CRB2: variants seen among roughly 807,000 people sequenced by gnomAD.
CRB2 encodes the protein crumbs cell polarity complex component 2, also known as protein crumbs homolog 2.
In CRB2, 85 loss-of-function variants were observed where a neutral mutation model predicts 110.9. That is an observed-to-expected ratio of 0.77 (90% CI 0.64 to 0.92). CRB2 has a LOEUF of 0.92. Among genes scored for constraint, CRB2 ranks in the 40% least tolerant of loss-of-function variants. CRB2 has a pLI of 0.00. For missense variants in CRB2, 1,843 were observed against 1,851.3 expected (o/e 1.00, Z 0.08); for synonymous variants, 907 against 831.0 (o/e 1.09, Z -1.57).
intron 12 of CRB2, among the ~76,000 whole-genome samples, chr9:123,376,011 C>T (rs2042097640): frequency 6.6e-6 from 1 of 152,094 alleles, no homozygotes; most frequent in Admixed American, 6.5e-5. Flanking sequence ...CCACAAATCC[C>T]CTCCGCTTAC....
intron 4 of CRB2, 117 bp from the exon 5 acceptor site, chr9:123,367,055 C>T (rs1398087289): frequency 8.4e-6 from 9 of 1,066,514 alleles, no homozygotes; most frequent in East Asian, 8.1e-5. Context: ...CCTCCCTCGC[C>T]ATTCGTGGCT....
At chr9:123,362,767 C>A in intron 1 of CRB2, 98 bp from the exon 2 acceptor site, 1 of 1,186,178 alleles carries the variant, frequency 8.4e-7, no homozygotes. Context: ...CAGAGACCCA[C>A]GTTGCTTTTG....
intron 1 of CRB2, among the ~76,000 whole-genome samples, chr9:123,357,515 T>A (rs546619122): frequency 1.3e-5 from 2 of 151,684 alleles, no homozygotes; most frequent in South Asian, 2.1e-4. Context: ...CTAGGGAGGA[T>A]GAGGACCCCA....
Position 123,373,511 on chromosome 9 carries a change from G to T in CRB2, c.2980G>T (p.Gly994Cys), listed in dbSNP as rs1303926228. The T allele has an allele frequency of 6.8e-7, 1 of 1,473,852 alleles. No homozygotes were observed. Among genetic ancestry groups the T allele is most frequent in the Non-Finnish European group, 8.9e-7 (1 of 1,120,554 alleles). The allele number at this position is 1,473,852 out of a possible 1,614,324, so 91.3% of individuals were successfully genotyped here. A position where few individuals can be genotyped will look rare whatever the true frequency, so the allele number is the denominator to read the frequency against. The change falls in exon 10 of 13, where the codon GGC becomes TGC. Residue 994 changes from glycine to cysteine, a missense_variant. Coordinates refer to ENST00000373631, the MANE Select transcript of CRB2 (RefSeq NM_173689.7). ...VALRGLASDL[G>C]FLQGPGAVRI... ...GCTGCGCGGCCTGGCCAGTGACCTG[G>T]GCTTCCTGCAGGGCCCGGGTGCTGT...
Position 123,372,453 on chromosome 9 carries a change from G to A in CRB2, c.2602+111G>A, listed in dbSNP as rs2042030764. The A allele has an allele frequency of 2.2e-6, 3 of 1,393,564 alleles. No homozygotes were observed. In the African/African-American group the frequency reaches 4.4e-5, roughly 20 times the overall value. The allele number at this position is 1,393,564 out of a possible 1,614,324, so 86.3% of individuals were successfully genotyped here. On this transcript the variant is annotated intron_variant, in intron 9 of 12. Coordinates refer to ENST00000373631, the MANE Select transcript of CRB2 (RefSeq NM_173689.7). Reference sequence around the variant, plus strand: ...GATACTGGTGGACCAGGCATGCCAAGCCCTAGGGCAGTGTGGCGGGGCCAC... The same window carrying A: ...GATACTGGTGGACCAGGCATGCCAAACCCTAGGGCAGTGTGGCGGGGCCAC...
rs753471114 is a variant in CRB2 at position 123,375,204 on chromosome 9, C to G, written c.3507-13C>G. The stretch of plus-strand genomic sequence containing the variant: ...TGGGGGAAGCCGCTTTCTCAGCCCC[C>G]CTCCCTCTCCAGGTGTCAGGTCCCC... On this transcript the variant is annotated splice_polypyrimidine_tract_variant and intron_variant, in intron 11 of 12. Coordinates refer to ENST00000373631, the MANE Select transcript of CRB2 (RefSeq NM_173689.7). The G allele has an allele frequency of 1.2e-5, 20 of 1,612,012 alleles. No homozygotes were observed. The highest frequency in any genetic ancestry group is 4.0e-5 in the African/African-American group (3 of 74,866).
chr9:123,371,648 G>A (rs915776072), intron 8 of CRB2, 70 bp downstream of exon 8: 19 of 1,589,098 alleles, frequency 1.2e-5, no homozygotes, highest in East Asian at 8.9e-5. Context: ...CTGTGTCACC[G>A]GGGCTTAGTG....
At chr9:123,365,800 T>C (rs996496583) in intron 2 of CRB2, 117 bp from the exon 3 acceptor site, 2 of 439,696 alleles carry the variant, frequency 4.5e-6, no homozygotes, top group East Asian at 2.2e-4. Context: ...ACCACCACCA[T>C]CCGGCTCTGA....
Position 123,370,615 on chromosome 9 carries a change from A to AGGTGGAGGCCT in CRB2, c.1570_1571insCCTGGTGGAGG (p.Val524AlafsTer9), listed in dbSNP as rs1283114697. On this transcript the variant is annotated frameshift_variant, in exon 7 of 13. Coordinates refer to ENST00000373631, the MANE Select transcript of CRB2 (RefSeq NM_173689.7). LOFTEE classifies it high-confidence loss of function. ...GCCCTAAACGATGGCCATTGGCACC[A>AGGTGGAGGCCT]GGTGGAGGTTGTGCTCCATCTAGCG... is the stretch of plus-strand genomic sequence containing the variant. 2 of 1,612,052 alleles carry AGGTGGAGGCCT rather than the reference A, an allele frequency of 1.2e-6. No homozygotes were observed. Among genetic ancestry groups the AGGTGGAGGCCT allele is most frequent in the African/African-American group, 2.7e-5 (2 of 74,952 alleles).
chr9:123,359,449 T>TTTTG (rs2041841152), intron 1 of CRB2, among the ~76,000 whole-genome samples: 1 of 132,084 alleles, frequency 7.6e-6, no homozygotes, highest in Non-Finnish European at 1.6e-5. Context: ...TTGTTTTTTT[T>TTTTG]TTTTTTTTTT....
rs759412169 is a variant in CRB2, at chr9:123,371,144, C to T, written c.2002C>T (p.Pro668Ser). Residue 668 changes from proline to serine, a missense_variant, in exon 8 of 13, where the codon CCC becomes TCC. Pro to Ser is a moderately conservative substitution (Grantham distance 74). Transcript: ENST00000373631. ...ASFLLQELPG[P>S]NLTVSFLLRT... ...CTTTCTGCTCCAAGAGCTGCCAGGT[C>T]CCAACCTCACAGTGTCTTTCCTTCT... is the stretch of plus-strand genomic sequence containing the variant. 1 of 1,613,660 alleles carries T rather than the reference C, an allele frequency of 6.2e-7. No homozygotes were observed. The highest frequency in any genetic ancestry group is 8.5e-7 in the Non-Finnish European group (1 of 1,180,032).
chr9:123,374,857 C>T (rs1346726811), intron 11 of CRB2, among the ~76,000 whole-genome samples, 162 bp downstream of exon 11: 2 of 152,266 alleles, frequency 1.3e-5, no homozygotes, highest in African/African-American at 2.4e-5. Context: ...CAAGACCATC[C>T]TCTGTGATAC....
In CRB2 at chr9:123,370,213, C is replaced by G. The variant is rs1199448734; in HGVS notation, c.1160C>G (p.Thr387Ser). 26 of 1,613,236 alleles carry G rather than the reference C, an allele frequency of 1.6e-5. No individual in the cohort carries two copies. The highest frequency in any genetic ancestry group is 2.1e-5 in the Non-Finnish European group (25 of 1,179,988). ...VAGYICRCPE[T>S]WGGRDCSVQL... ...GGCTATATCTGCAGGTGCCCAGAGA[C>G]CTGGGGTGGGCGCGACTGTTCTGTG... Residue 387 changes from threonine to serine, a missense_variant, in exon 7 of 13, where the codon ACC (threonine) becomes AGC (serine). Coordinates refer to ENST00000373631, the MANE Select transcript of CRB2 (RefSeq NM_173689.7).
intron 4 of CRB2, among the ~76,000 whole-genome samples, chr9:123,366,944 C>CAAAAA (rs3050063): frequency 3.7e-5 from 5 of 133,978 alleles, no homozygotes; most frequent in African/African-American, 1.1e-4. Flanking sequence ...GATTCTATCT[C>CAAAAA]AAAAAAAAAA....
rs993637944 is a variant in CRB2 at position 123,373,625 on chromosome 9, G to C, written c.3094G>C (p.Gly1032Arg). ...CCTGCCCTTGGCGCGGCCCCGGCCC[G>C]GCGCGGCCCCTGGCGCCCGAGAGCA... is the stretch of plus-strand genomic sequence containing the variant. ...LPLPLARPRP[G>R]AAPGAREHFA... Residue 1032 changes from glycine to arginine, a missense_variant, in exon 10 of 13, where the codon GGC becomes CGC. Physicochemically the swap from Gly to Arg is moderately radical, Grantham distance 125. Transcript: ENST00000373631. The C allele has an allele frequency of 2.9e-6, 4 of 1,363,206 alleles. No homozygotes were observed. The highest frequency in any genetic ancestry group is 3.8e-6 in the Non-Finnish European group (4 of 1,066,252). The allele number at this position is 1,363,206 out of a possible 1,614,324, so 84.4% of individuals were successfully genotyped here.
chr9:123,377,788 A>AGCAGCCC lies in CRB2; in HGVS notation c.*728_*734dup, dbSNP rs2042126232. On this transcript the variant is annotated 3_prime_UTR_variant, in exon 13 of 13. Coordinates refer to ENST00000373631, the MANE Select transcript of CRB2 (RefSeq NM_173689.7). ...CAGACCCACCCGCCCCCTCAGCCGGAGCAGCCCGAGGGAGCAGAGGAGGGG... is the reference window on the plus strand; with the variant it reads ...CAGACCCACCCGCCCCCTCAGCCGGAGCAGCCCGCAGCCCGAGGGAGCAGAGGAGGGG... The AGCAGCCC allele has an allele frequency of 1.3e-5, 2 of 152,366 alleles. No individual in the cohort carries two copies. The highest frequency in any genetic ancestry group is 1.3e-4 in the Admixed American group (2 of 15,304). 9.4% of individuals were successfully genotyped at this position (152,366 alleles called of 1,614,324 possible).
rs34057024 is a variant in CRB2, at chr9:123,371,272, G to A, written c.2130G>A (p.Pro710=). 1,878 of 1,613,808 alleles carry A rather than the reference G, an allele frequency of 1.2e-3. 19 individuals carry two copies. In the African/African-American group the frequency reaches 0.022, roughly 19 times the overall value. ...AGGGTCGGATCCGGGCTGAGGTGCCGGGCAGTCCTGCTGTAGTGCTCCCTG... is the reference window on the plus strand; with the variant it reads ...AGGGTCGGATCCGGGCTGAGGTGCCAGGCAGTCCTGCTGTAGTGCTCCCTG... ...LSEGRIRAEV[P]GSPAVVLPGR... is the part of the protein sequence containing the mutation. The change falls in exon 8 of 13, where the codon CCG becomes CCA. Residue 710 remains proline, a synonymous_variant. Coordinates refer to ENST00000373631, the MANE Select transcript of CRB2 (RefSeq NM_173689.7).
intron 6 of CRB2, among the ~76,000 whole-genome samples, 182 bp from the exon 7 acceptor site, chr9:123,369,926 A>AG (rs1205588462): frequency 6.6e-6 from 1 of 152,042 alleles, no homozygotes; most frequent in Non-Finnish European, 1.5e-5. Flanking sequence ...AGACATGAGA[A>AG]GGGAAGGGGC....
intron 11 of CRB2, 141 bp downstream of exon 11, chr9:123,374,836 TC>T (rs2042079524): frequency 1.6e-6 from 1 of 641,958 alleles, no homozygotes; most frequent in African/African-American, 1.8e-5. Context: ...TGAGTTTCCT[TC>T]CATGACTCGC....
Sources: gnomAD v4.1 joint callset for allele counts (sites outside exome capture counted in the v4.1 genomes callset) on GRCh38, gnomAD v4.1.1 for gene constraint, MANE v1.5 for transcripts, NCBI Gene and HGNC (gene_info 2026-07-23, HGNC 2026-07-21) for gene names.